The following EGFL6 variants were observed in gnomAD, a reference collection of about 807,000 sequenced individuals.
EGFL6 encodes epidermal growth factor-like protein 6.
Under a neutral mutation model 43.1 loss-of-function variants are expected in EGFL6, and 42 were observed. That is an observed-to-expected ratio of 0.98 (90% CI 0.76 to 1.26). EGFL6 has a LOEUF of 1.26. EGFL6 is among the 50% of genes most tolerant of loss of function. The pLI, the probability that EGFL6 is intolerant of heterozygous loss-of-function variation, is 0.00. For synonymous variants in EGFL6, 164 were observed against 163.2 expected, an observed-to-expected ratio of 1.01 and a Z score of -0.04; for missense variants, 429 against 427.8, an observed-to-expected ratio of 1.00 and a Z score of -0.02.
intron 10 of EGFL6, among the ~76,000 whole-genome samples, chrX:13,625,885 CAAAAA>C (rs755901799): frequency 3.2e-5 from 1 of 30,904 alleles, no homozygotes; most frequent in South Asian, 2.3e-3. Flanking sequence ...GACCCTGCCT[CAAAAA>C]AAAAAAAAAA....
rs778818739 is a variant in EGFL6, at chrX:13,627,131, G to A, written c.1406G>A (p.Arg469Gln). The A allele has an allele frequency of 9.9e-6, 12 of 1,211,931 alleles. No individual in the cohort carries two copies. The highest frequency in any genetic ancestry group is 2.3e-4 in the Middle Eastern group (1 of 4,356). The change falls in exon 11 of 12, where the codon CGG becomes CAG. Residue 469 changes from arginine (R) to glutamine (Q), a missense_variant. By Grantham distance (43) the Arg-to-Gln change is conservative. Transcript: ENST00000361306. ...QSNFCLLFDY[R>Q]LAGDKVGKLR... ...AACTTCTGTTTGCTCTTTGATTACC[G>A]GCTGGCCGGAGACAAAGTCGGGAAA...
At chrX:13,575,949 A>G (rs760062088) in intron 1 of EGFL6, among the ~76,000 whole-genome samples, 139 of 112,126 alleles carry the variant, frequency 1.2e-3, no homozygotes, top group Non-Finnish European at 2.3e-3. Flanking sequence ...GCTGGCTTTC[A>G]ATGGAGTCAG....
At chrX:13,613,469 A>G (rs926353187) in intron 7 of EGFL6, among the ~76,000 whole-genome samples, 2 of 110,836 alleles carry the variant, frequency 1.8e-5, no homozygotes, top group African/African-American at 3.3e-5. Context: ...AACTTAGGAA[A>G]GGAAACTGTC....
rs190766672 is a variant in EGFL6 at position 13,592,720 on chromosome X, T to G, written c.188-2116T>G. Reference sequence around the variant, plus strand: ...TTTTAGAAGAAGGGGCCATGCAAGGTGGTCCTTGAAGAATGGGGAGGATAT... The same window carrying G: ...TTTTAGAAGAAGGGGCCATGCAAGGGGGTCCTTGAAGAATGGGGAGGATAT... On this transcript the variant is annotated intron_variant, in intron 2 of 11. Transcript: ENST00000361306. 4.6e-3 allele frequency among the ~76,000 whole-genome samples: 499 copies of G among 108,995 alleles called. 11 individuals are homozygous for G. The East Asian group carries it at 0.1, about 22-fold the overall frequency. 94.6% of individuals were successfully genotyped at this position (108,995 alleles called of 115,157 possible).
intron 2 of EGFL6, among the ~76,000 whole-genome samples, chrX:13,593,973 T>C (rs953048699): frequency 2.7e-5 from 3 of 111,693 alleles, no homozygotes; most frequent in Non-Finnish European, 3.8e-5. Flanking sequence ...TTTCCTATTA[T>C]GGCTATTTCT....
chrX:13,625,896 A>AAAAG (rs2045777252), intron 10 of EGFL6, among the ~76,000 whole-genome samples: 1 of 91,638 alleles, frequency 1.1e-5, no homozygotes, highest in African/African-American at 4.1e-5. Flanking sequence ...AAAAAAAAAA[A>AAAAG]AAAAAAAGAA....
chrX:13,592,692 G>A (rs752411739), intron 2 of EGFL6, among the ~76,000 whole-genome samples: 2 of 110,272 alleles, frequency 1.8e-5, no homozygotes, highest in South Asian at 7.9e-4. Context: ...AATCTGTAAA[G>A]GCTTTTAGAA....
At chrX:13,632,084 A>G (rs1425457163) in intron 11 of EGFL6, among the ~76,000 whole-genome samples, 1 of 110,506 alleles carries the variant, frequency 9.0e-6, no homozygotes, top group Non-Finnish European at 1.9e-5. Context: ...CATATTATGA[A>G]ATATTTTCAA....
chrX:13,598,494 T>C (rs2045612459), intron 3 of EGFL6, among the ~76,000 whole-genome samples: 1 of 111,512 alleles, frequency 9.0e-6, no homozygotes, highest in Non-Finnish European at 1.9e-5. Flanking sequence ...CAGATAATCC[T>C]TTTTAAAGTT....
intron 11 of EGFL6, 105 bp downstream of exon 11, chrX:13,627,381 C>T (rs929179877): frequency 2.2e-5 from 22 of 1,014,338 alleles, no homozygotes; most frequent in Non-Finnish European, 2.5e-5. Context: ...AAGGATACAA[C>T]GATAAGACTT....
intron 1 of EGFL6, among the ~76,000 whole-genome samples, chrX:13,583,798 G>T (rs1226091644): frequency 9.0e-6 from 1 of 111,623 alleles, no homozygotes; most frequent in Admixed American, 9.5e-5. Flanking sequence ...CAACTGCAGG[G>T]AGCATAATTG....
At chrX:13,600,280 C>CTTCTTTTTTTTTT (rs1326551826) in intron 4 of EGFL6, among the ~76,000 whole-genome samples, 186 bp downstream of exon 4, 11 of 44,277 alleles carry the variant, frequency 2.5e-4, no homozygotes, top group African/African-American at 4.8e-4. Flanking sequence ...TTTCTTTCTT[C>CTTCTTTTTTTTTT]TTTTTTTTTT....
intron 7 of EGFL6, among the ~76,000 whole-genome samples, chrX:13,614,625 C>G (rs778049252): frequency 8.9e-6 from 1 of 111,886 alleles, no homozygotes; most frequent in Non-Finnish European, 1.9e-5. Flanking sequence ...TTGGAGAAAT[C>G]TCAAATACCT....
chrX:13,589,634 C>A lies in EGFL6; in HGVS notation c.153C>A (p.Tyr51Ter). ...CHYGTKLACC[Y>*]GWRRNSKGVC... ...ATGGAACTAAACTGGCCTGCTGCTA[C>A]GGCTGGAGAAGAAACAGCAAGGGAG... The change falls in exon 2 of 12, where the codon TAC becomes TAA. Residue 51 changes from tyrosine to a stop codon, truncating the protein, a stop_gained. Transcript: ENST00000361306. LOFTEE classifies it high-confidence loss of function. 1 of 1,210,764 alleles carries A rather than the reference C, an allele frequency of 8.3e-7. No individual in the cohort carries two copies. Among genetic ancestry groups the A allele is most frequent in the Non-Finnish European group, 1.1e-6 (1 of 894,942 alleles).
At chrX:13,606,086 C>T (rs1223151143) in intron 5 of EGFL6, among the ~76,000 whole-genome samples, 1 of 111,833 alleles carries the variant, frequency 8.9e-6, no homozygotes, top group Non-Finnish European at 1.9e-5. Flanking sequence ...AAGTGTCAGA[C>T]ACATGCTCCC....
In EGFL6 at chrX:13,633,240, A is replaced by G. The variant is rs2045823640; in HGVS notation, c.*145A>G. On this transcript the variant is annotated 3_prime_UTR_variant, in exon 12 of 12. Coordinates refer to ENST00000361306, the MANE Select transcript of EGFL6 (RefSeq NM_015507.4). Reference sequence around the variant, plus strand: ...TATTATTGTAAGATGCCTTTCTTGTATAAGATATGCCAATATTTGCTTTAA... The same window carrying G: ...TATTATTGTAAGATGCCTTTCTTGTGTAAGATATGCCAATATTTGCTTTAA... 2.3e-6 allele frequency: 1 copy of G among 440,164 alleles called. No homozygotes were observed. The highest frequency in any genetic ancestry group is 5.0e-5 in the Admixed American group (1 of 20,089). 36.3% of individuals were successfully genotyped at this position (440,164 alleles called of 1,213,427 possible). A position where few individuals can be genotyped will look rare whatever the true frequency, so the allele number is the denominator to read the frequency against.
rs2045727937 is a variant in EGFL6 at position 13,617,902 on chromosome X, C to T, written c.951C>T (p.Asn317=). The T allele has an allele frequency of 1.7e-6, 2 of 1,209,079 alleles. No homozygotes were observed. The highest frequency in any genetic ancestry group is 2.3e-4 in the Middle Eastern group (1 of 4,354). ...CTAAGGTGAACTTGCAGCCCTTCAA[C>T]TATGAAGAGATAGTTTCCAGAGGCG... ...PTPKVNLQPF[N]YEEIVSRGGN... The change falls in exon 8 of 12, where the codon AAC becomes AAT. Residue 317 remains asparagine (N), a synonymous_variant. Coordinates refer to ENST00000361306, the MANE Select transcript of EGFL6 (RefSeq NM_015507.4).
At chrX:13,627,544 C>T (rs184401280) in intron 11 of EGFL6, among the ~76,000 whole-genome samples, 25 of 112,173 alleles carry the variant, frequency 2.2e-4, no homozygotes, top group Non-Finnish European at 3.9e-4. Context: ...CCAAATCAGG[C>T]TATACATGCT....
At chrX:13,630,702 C>CTCCATTTGTTCT (rs1376412487) in intron 11 of EGFL6, among the ~76,000 whole-genome samples, 14 of 112,274 alleles carry the variant, frequency 1.2e-4, no homozygotes, top group African/African-American at 4.5e-4. Flanking sequence ...CAGTCATAGA[C>CTCCATTTGTTCT]CCTTGTCATC....
Sources: allele counts gnomAD v4.1 joint callset (sites outside exome capture counted in the v4.1 genomes callset), GRCh38; gene constraint gnomAD v4.1.1; transcripts MANE v1.5; gene names NCBI Gene and HGNC (gene_info 2026-07-23, HGNC 2026-07-21).